Variants in XYLT1 observed in about 807,000 individuals in gnomAD.
XYLT1 encodes beta-D-xylosyltransferase 1.
Under a neutral mutation model 91.3 loss-of-function variants are expected in XYLT1, and 36 were observed. The observed-to-expected ratio is 0.39, with a 90% CI of 0.30 to 0.52. The LOEUF is 0.52. Ranked by LOEUF, XYLT1 falls within the 20% of genes least tolerant of loss-of-function variation. The pLI, the probability that XYLT1 is intolerant of heterozygous loss-of-function variation, is 0.68. For missense variants in XYLT1, 1,242 were observed against 1,284.5 expected (o/e 0.97, Z 0.51); for synonymous variants, 588 against 532.0 (o/e 1.11, Z -1.45).
intron 3 of XYLT1, among the ~76,000 whole-genome samples, chr16:17,256,839 G>A (rs747939660): frequency 1.3e-5 from 2 of 152,306 alleles, no homozygotes; most frequent in Admixed American, 6.5e-5. Context: ...CACCGATGCC[G>A]GTGGAACGGA....
intron 5 of XYLT1, among the ~76,000 whole-genome samples, chr16:17,164,669 C>A (rs8046300): frequency 0.42 from 63,933 of 152,038 alleles, 14,419 homozygotes; most frequent in African/African-American, 0.58. Flanking sequence ...CCATGTCCTC[C>A]AGGCTCATCC....
intron 1 of XYLT1, among the ~76,000 whole-genome samples, chr16:17,449,302 G>A (rs1048328433): frequency 1.3e-5 from 2 of 152,260 alleles, no homozygotes; most frequent in Non-Finnish European, 2.9e-5. Context: ...TCTCACTGCT[G>A]TCTGCAGGAT....
intron 3 of XYLT1, among the ~76,000 whole-genome samples, chr16:17,205,503 G>T (rs940223947): frequency 4.6e-5 from 7 of 152,208 alleles, no homozygotes; most frequent in African/African-American, 1.7e-4. Context: ...TGTAAAATGG[G>T]TATGTATAAT....
chr16:17,254,385 C>CATTT (rs1156905039), intron 3 of XYLT1, among the ~76,000 whole-genome samples: 22 of 152,216 alleles, frequency 1.4e-4, no homozygotes, highest in Admixed American at 6.5e-4. Flanking sequence ...AGCTTACTTA[C>CATTT]ATTTATTTAT....
At chr16:17,369,044 G>T (rs2035491495) in intron 1 of XYLT1, among the ~76,000 whole-genome samples, 1 of 148,778 alleles carries the variant, frequency 6.7e-6, no homozygotes, top group Non-Finnish European at 1.5e-5. Flanking sequence ...AATATCTTCA[G>T]AGAGGTTTAA....
At chr16:17,333,348 G>A (rs1283220179) in intron 2 of XYLT1, among the ~76,000 whole-genome samples, 1 of 152,138 alleles carries the variant, frequency 6.6e-6, no homozygotes, top group Non-Finnish European at 1.5e-5. Flanking sequence ...GCATTAAGGA[G>A]ATGTTTTATA....
chr16:17,175,320 T>C (rs1194618546), intron 5 of XYLT1, among the ~76,000 whole-genome samples: 5 of 152,200 alleles, frequency 3.3e-5, no homozygotes, highest in Non-Finnish European at 5.9e-5. Flanking sequence ...ATAATCATGA[T>C]GATCATAACA....
At chr16:17,452,305 CTT>C (rs35177574) in intron 1 of XYLT1, among the ~76,000 whole-genome samples, 56 of 131,652 alleles carry the variant, frequency 4.3e-4, no homozygotes, top group African/African-American at 6.9e-4. Context: ...CAGTTTTTTT[CTT>C]TTTTTTTTTT....
chr16:17,230,233 G>A (rs560055896), intron 3 of XYLT1, among the ~76,000 whole-genome samples: 1 of 152,174 alleles, frequency 6.6e-6, no homozygotes, highest in Admixed American at 6.5e-5. Context: ...CTAAAACAAA[G>A]AGCCAAACCC....
chr16:17,284,847 AG>A (rs755600871), intron 2 of XYLT1, among the ~76,000 whole-genome samples: 30 of 152,244 alleles, frequency 2.0e-4, no homozygotes, highest in Non-Finnish European at 3.7e-4. Flanking sequence ...GTCTAGCAGC[AG>A]GAAGAGGAAG....
At chr16:17,368,285 G>A (rs1346858790) in intron 1 of XYLT1, among the ~76,000 whole-genome samples, 1 of 152,078 alleles carries the variant, frequency 6.6e-6, no homozygotes, top group Non-Finnish European at 1.5e-5. Context: ...GGGACGGATG[G>A]GCCTTCTACA....
chr16:17,279,076 T>G (rs986032701), intron 2 of XYLT1, among the ~76,000 whole-genome samples: 2 of 152,182 alleles, frequency 1.3e-5, no homozygotes, highest in East Asian at 3.9e-4. Context: ...CCCTCCCTAA[T>G]GCACCTTTCA....
At chr16:17,297,679 T>C (rs2034332082) in intron 2 of XYLT1, among the ~76,000 whole-genome samples, 1 of 151,970 alleles carries the variant, frequency 6.6e-6, no homozygotes, top group Non-Finnish European at 1.5e-5. Flanking sequence ...GCCATGATCA[T>C]GCCACTGTGC....
intron 3 of XYLT1, among the ~76,000 whole-genome samples, chr16:17,253,634 C>T (rs2033579206): frequency 6.6e-6 from 1 of 152,092 alleles, no homozygotes; most frequent in Non-Finnish European, 1.5e-5. Flanking sequence ...TGCTCATCTC[C>T]CCTTTACAGA....
intron 1 of XYLT1, among the ~76,000 whole-genome samples, chr16:17,442,820 A>C (rs1396595216): frequency 6.6e-6 from 1 of 152,108 alleles, no homozygotes; most frequent in Admixed American, 6.5e-5. Context: ...TTCCTACTCA[A>C]ATTAGCAACT....
chr16:17,122,744 C>T (rs532735181), intron 10 of XYLT1, among the ~76,000 whole-genome samples: 19 of 152,314 alleles, frequency 1.2e-4, no homozygotes, highest in South Asian at 1.2e-3. Flanking sequence ...TTTGATCCAT[C>T]CTCAGTTGAT....
At chr16:17,334,313 A>G (rs2034945955) in intron 2 of XYLT1, among the ~76,000 whole-genome samples, 2 of 152,192 alleles carry the variant, frequency 1.3e-5, no homozygotes, top group African/African-American at 4.8e-5. Flanking sequence ...ATGATTGACA[A>G]ACTGGTCTTG....
Position 17,202,246 on chromosome 16 carries a change from C to T in XYLT1, c.914-1592G>A, listed in dbSNP as rs1427936354. 2.0e-5 allele frequency among the ~76,000 whole-genome samples: 3 copies of T among 152,162 alleles called. No homozygotes were observed. The East Asian group carries it at 5.8e-4, about 29-fold the overall frequency. On this transcript the variant is annotated intron_variant, in intron 3 of 11. Transcript: ENST00000261381. ...AGCTGCAAGTGTCCCAGCATCTAAA[C>T]CGGGAGAACTGAGATGGAGACTGTG...
chr16:17,226,732 G>A (rs2033073090), intron 3 of XYLT1, among the ~76,000 whole-genome samples: 1 of 151,532 alleles, frequency 6.6e-6, no homozygotes. Flanking sequence ...GCAGTGAGCC[G>A]AGATCACACC....
Sources: allele counts gnomAD v4.1 joint callset (sites outside exome capture counted in the v4.1 genomes callset), GRCh38; gene constraint gnomAD v4.1.1; transcripts MANE v1.5; gene names NCBI Gene and HGNC (gene_info 2026-07-23, HGNC 2026-07-21).